The following DNAH14 variants were observed in gnomAD, a reference collection of about 807,000 sequenced individuals.
DNAH14 encodes the protein dynein axonemal heavy chain 14, also known as axonemal beta dynein heavy chain 14.
Under a neutral mutation model 520.9 loss-of-function variants are expected in DNAH14, and 478 were observed. The observed-to-expected ratio is 0.92, with a 90% CI of 0.85 to 0.99. The LOEUF (loss-of-function observed/expected upper bound fraction) is 0.99, where lower values mean the gene tolerates loss of function less well. DNAH14 is among the 50% of genes least tolerant of loss of function. DNAH14 has a pLI of 0.00. For missense variants in DNAH14, 4,831 were observed against 5,234.5 expected (o/e 0.92, Z 2.38); for synonymous variants, 1,581 against 1,757.2 (o/e 0.90, Z 2.51).
intron 55 of DNAH14, among the ~76,000 whole-genome samples, chr1:225,298,090 C>A (rs1389274389): frequency 6.6e-6 from 1 of 152,164 alleles, no homozygotes; most frequent in African/African-American, 2.4e-5. Context: ...GGGTTCATGG[C>A]TGCTCAGCTG....
chr1:225,143,313 C>T (rs941531835), intron 28 of DNAH14, among the ~76,000 whole-genome samples: 8 of 152,154 alleles, frequency 5.3e-5, no homozygotes, highest in Non-Finnish European at 1.2e-4. Flanking sequence ...ACATTTTCTT[C>T]CACAAGTGTT....
Position 225,038,823 on chromosome 1 carries a change from G to T in DNAH14, c.1488G>T (p.Glu496Asp). The change falls in exon 12 of 86, where the codon GAG becomes GAT. Residue 496 changes from glutamate (E) to aspartate (D), a missense_variant and splice_region_variant. Physicochemically the swap from Glu to Asp is conservative, Grantham distance 45 (BLOSUM62 2). Coordinates refer to ENST00000682510, the MANE Select transcript of DNAH14 (RefSeq NM_001367479.1). ...TAAAAACAGACACTGATATTAATGA[G>T]GTAAAATGATCTTTGAAAAATATAA... ...SEVKTDTDIN[E>D]ILNSVEVGKD... 6.8e-7 allele frequency: 1 copy of T among 1,473,384 alleles called. No homozygotes were observed. The highest frequency in any genetic ancestry group is 9.0e-7 in the Non-Finnish European group (1 of 1,113,492). The allele number at this position is 1,473,384 out of a possible 1,614,324, so 91.3% of individuals were successfully genotyped here. A position where few individuals can be genotyped will look rare whatever the true frequency, so the allele number is the denominator to read the frequency against.
chr1:225,073,985 T>A (rs555382599), intron 17 of DNAH14, among the ~76,000 whole-genome samples: 1 of 147,634 alleles, frequency 6.8e-6, no homozygotes, highest in East Asian at 2.0e-4. Flanking sequence ...TCAGCTGTTT[T>A]AGGAAGTTTT....
Position 225,145,323 on chromosome 1 carries a change from C to G in DNAH14, c.4741-3C>G, listed in dbSNP as rs1340087134. 1 of 1,542,202 alleles carries G rather than the reference C, an allele frequency of 6.5e-7. No homozygotes were observed. Among genetic ancestry groups the G allele is most frequent in the African/African-American group, 1.4e-5 (1 of 72,836 alleles). On this transcript the variant is annotated splice_polypyrimidine_tract_variant and splice_region_variant and intron_variant, in intron 29 of 85. Transcript: ENST00000682510. ...AAGATACTAAAATATTTTTGTTTCC[C>G]AGTCCTTAGGCAAACATTGTGTGGT... is the stretch of plus-strand genomic sequence containing the variant.
At chr1:225,343,164 A>T (rs2095227151) in intron 69 of DNAH14, among the ~76,000 whole-genome samples, 1 of 152,194 alleles carries the variant, frequency 6.6e-6, no homozygotes, top group South Asian at 2.1e-4. Context: ...GCTGCAAGTA[A>T]CAGCACTTTG....
chr1:225,250,705 TG>T, intron 43 of DNAH14: 1 of 547,042 alleles, frequency 1.8e-6, no homozygotes, highest in Non-Finnish European at 3.4e-6. Flanking sequence ...AGGGGAACTG[TG>T]GGCAAGTACC....
chr1:224,944,309 G>T (rs1328151690), intron 1 of DNAH14, among the ~76,000 whole-genome samples: 1 of 152,066 alleles, frequency 6.6e-6, no homozygotes, highest in Admixed American at 6.5e-5. Flanking sequence ...CTGAGACTAG[G>T]ATTGCAACCC....
intron 10 of DNAH14, among the ~76,000 whole-genome samples, chr1:225,016,625 A>T (rs766927975): frequency 6.6e-6 from 1 of 152,190 alleles, no homozygotes; most frequent in Non-Finnish European, 1.5e-5. Flanking sequence ...TTATTTCATT[A>T]AACATATTTT....
rs1423004965 is a variant in DNAH14, at chr1:225,367,842, T to C, written c.12128T>C (p.Leu4043Ser). Residue 4043 changes from leucine (L) to serine (S), a missense_variant, in exon 77 of 86, where the codon TTA (leucine) becomes TCA (serine). Physicochemically the swap from Leu to Ser is moderately radical, Grantham distance 145. Coordinates refer to ENST00000682510, the MANE Select transcript of DNAH14 (RefSeq NM_001367479.1). ...TCTCCCCAGGGATTGAAAAGTAACT[T>C]ACTTCAGACATTTGGATGTACTGGG... is the stretch of plus-strand genomic sequence containing the variant. ...VESPQGLKSNLLQTFGCTGSG... is the reference protein window; with the variant it reads ...VESPQGLKSNSLQTFGCTGSG... The C allele has an allele frequency of 8.4e-6, 13 of 1,551,376 alleles. No individual in the cohort carries two copies. The Admixed American group carries it at 2.5e-4, about 30-fold the overall frequency.
intron 10 of DNAH14, among the ~76,000 whole-genome samples, chr1:225,014,458 G>C (rs1311020613): frequency 6.6e-6 from 1 of 151,300 alleles, no homozygotes; most frequent in African/African-American, 2.4e-5. Context: ...CTATAAATTT[G>C]CCTCTTAGTA....
intron 54 of DNAH14, among the ~76,000 whole-genome samples, chr1:225,281,860 C>A (rs2093633645): frequency 6.6e-6 from 1 of 151,968 alleles, no homozygotes; most frequent in Non-Finnish European, 1.5e-5. Flanking sequence ...TTCTGTTATG[C>A]AAGGTGAACA....
chr1:225,207,134 T>C lies in DNAH14; in HGVS notation c.6353T>C (p.Met2118Thr), dbSNP rs947242382. ...CGTCAGAAATTTCAGCCATATCCTA[T>C]GGAGGACATAACAGTCGTCATAACC... ...RNRQKFQPYP[M>T]EDITVVITLC... The change falls in exon 41 of 86, where the codon ATG becomes ACG. Residue 2118 changes from methionine to threonine, a missense_variant. Met to Thr is a moderately conservative substitution (Grantham distance 81). Transcript: ENST00000682510. 1.3e-6 allele frequency: 2 copies of C among 1,551,156 alleles called. No homozygotes were observed. The highest frequency in any genetic ancestry group is 1.7e-6 in the Non-Finnish European group (2 of 1,146,648).
intron 34 of DNAH14, among the ~76,000 whole-genome samples, chr1:225,154,769 G>A (rs563301976): frequency 7.4e-4 from 113 of 151,712 alleles, no homozygotes; most frequent in South Asian, 2.1e-3. Context: ...CTTGGAGTAC[G>A]GAAGATCTTT....
intron 8 of DNAH14, among the ~76,000 whole-genome samples, chr1:224,978,924 G>T (rs913078259): frequency 1.3e-5 from 2 of 152,042 alleles, no homozygotes; most frequent in Admixed American, 6.6e-5. Flanking sequence ...TACAGGCAAT[G>T]GTCACTGTGG....
intron 3 of DNAH14, among the ~76,000 whole-genome samples, chr1:224,956,672 C>T (rs374578766): frequency 1.6e-4 from 25 of 152,192 alleles, no homozygotes; most frequent in African/African-American, 5.5e-4. Flanking sequence ...CTATTAAATC[C>T]ATACCACAAA....
chr1:225,275,673 G>A (rs915759978), intron 52 of DNAH14, among the ~76,000 whole-genome samples: 1 of 152,136 alleles, frequency 6.6e-6, no homozygotes, highest in Non-Finnish European at 1.5e-5. Context: ...ATATTTGGGG[G>A]TTTTTGGTAA....
chr1:225,100,407 T>C (rs2075347213), intron 22 of DNAH14, among the ~76,000 whole-genome samples: 1 of 152,194 alleles, frequency 6.6e-6, no homozygotes, highest in South Asian at 2.1e-4. Flanking sequence ...CTTTGTTTTA[T>C]TACATTTCTT....
chr1:225,367,956 C>T lies in DNAH14; in HGVS notation c.12242C>T (p.Ala4081Val). Residue 4081 changes from alanine (A) to valine (V), a missense_variant, in exon 77 of 86, where the codon GCT (alanine) becomes GTT (valine). Coordinates refer to ENST00000682510, the MANE Select transcript of DNAH14 (RefSeq NM_001367479.1). Reference sequence around the variant, plus strand: ...TTATTTAGCCTATGTTTTTTCAATGCTGTAATCAATGAAAGAAAAAATTAC... The same window carrying T: ...TTATTTAGCCTATGTTTTTTCAATGTTGTAATCAATGAAAGAAAAAATTAC... The part of the protein sequence containing the change: ...KLLFSLCFFN[A>V]VINERKNYGI... 6.4e-7 allele frequency: 1 copy of T among 1,551,362 alleles called. No homozygotes were observed. The highest frequency in any genetic ancestry group is 8.7e-7 in the Non-Finnish European group (1 of 1,146,864).
intron 17 of DNAH14, among the ~76,000 whole-genome samples, chr1:225,056,300 T>G (rs1484963206): frequency 6.6e-6 from 1 of 152,244 alleles, no homozygotes; most frequent in Non-Finnish European, 1.5e-5. Flanking sequence ...TGATGAGCAT[T>G]TTTTCATGTC....
Sources: gnomAD v4.1 joint callset for allele counts (sites outside exome capture counted in the v4.1 genomes callset) on GRCh38, gnomAD v4.1.1 for gene constraint, MANE v1.5 for transcripts, NCBI Gene and HGNC (gene_info 2026-07-23, HGNC 2026-07-21) for gene names.